SDK1: variants seen among roughly 807,000 people sequenced by gnomAD.
The protein encoded by SDK1 is sidekick cell adhesion molecule 1.
A neutral mutation model predicts 245.5 loss-of-function variants in SDK1; 157 were observed. The ratio of observed to expected loss-of-function variants is 0.64; its 90% CI spans 0.56 to 0.73. SDK1 has a LOEUF of 0.73. SDK1 is among the 30% of genes least tolerant of loss of function. SDK1 has a pLI of 0.00. For missense variants in SDK1, 3,583 were observed against 3,002.3 expected, an observed-to-expected ratio of 1.19 and a Z score of -4.52; for synonymous variants, 1,647 against 1,278.5, an observed-to-expected ratio of 1.29 and a Z score of -6.15.
chr7:4,113,148 G>A (rs1200835334), intron 23 of SDK1, 141 bp from the exon 24 acceptor site: 2 of 890,318 alleles, frequency 2.2e-6, no homozygotes, highest in Admixed American at 4.8e-5. Flanking sequence ...AAAAGAGGGT[G>A]TCCTTGAGCA....
chr7:3,475,771 G>T (rs1411972822), intron 1 of SDK1, among the ~76,000 whole-genome samples: 1 of 152,074 alleles, frequency 6.6e-6, no homozygotes. Flanking sequence ...ATTTGTACAA[G>T]ACAGTCTTCC....
intron 22 of SDK1, among the ~76,000 whole-genome samples, chr7:4,084,652 C>A (rs1025958703): frequency 3.7e-4 from 55 of 149,060 alleles, no homozygotes; most frequent in Admixed American, 3.7e-3. Context: ...AGGTTACTGA[C>A]CTTAAATGTA....
chr7:3,934,954 G>T (rs553469427), intron 5 of SDK1, among the ~76,000 whole-genome samples: 1 of 152,282 alleles, frequency 6.6e-6, no homozygotes, highest in Admixed American at 6.5e-5. Context: ...AAGCCCCTTC[G>T]GTGTTGCTTA....
chr7:3,732,201 A>G (rs1779200709), intron 4 of SDK1, among the ~76,000 whole-genome samples: 1 of 152,232 alleles, frequency 6.6e-6, no homozygotes, highest in Non-Finnish European at 1.5e-5. Context: ...GGTGTAGGGA[A>G]TTGGTAAACT....
At chr7:4,193,303 A>C (rs1393719307) in intron 35 of SDK1, among the ~76,000 whole-genome samples, 1 of 134,488 alleles carries the variant, frequency 7.4e-6, no homozygotes, top group Non-Finnish European at 1.5e-5. Context: ...TACATATAAA[A>C]ATATTAATAT....
intron 5 of SDK1, among the ~76,000 whole-genome samples, chr7:3,822,557 G>T (rs527480046): frequency 2.2e-4 from 34 of 152,150 alleles, no homozygotes; most frequent in African/African-American, 7.9e-4. Context: ...ATTACTTGAG[G>T]TCAAGAGTTC....
chr7:3,624,771 C>A (rs575358068), intron 2 of SDK1, among the ~76,000 whole-genome samples: 1 of 152,106 alleles, frequency 6.6e-6, no homozygotes, highest in East Asian at 1.9e-4. Flanking sequence ...CAAGGCCAGG[C>A]ATGGTGGCTC....
rs187207536 is a variant in SDK1, at chr7:4,267,870, G to A, written c.*2486G>A. On this transcript the variant is annotated 3_prime_UTR_variant, in exon 45 of 45. Transcript: ENST00000404826. Reference sequence around the variant, plus strand: ...GTGCTTAGGACAGCGCCCATGCCTCGGAGGGACTCTGTCCCATGAGAACCA... The same window carrying A: ...GTGCTTAGGACAGCGCCCATGCCTCAGAGGGACTCTGTCCCATGAGAACCA... 128 of 985,524 alleles carry A rather than the reference G, an allele frequency of 1.3e-4. 1 individual carries two copies. The Middle Eastern group carries it at 5.2e-3, about 40-fold the overall frequency. 61.0% of individuals were successfully genotyped at this position (985,524 alleles called of 1,614,324 possible).
intron 5 of SDK1, among the ~76,000 whole-genome samples, chr7:3,829,935 T>C (rs914492282): frequency 6.6e-6 from 1 of 152,178 alleles, no homozygotes; most frequent in Non-Finnish European, 1.5e-5. Flanking sequence ...CAGTGGGAGA[T>C]GCACTGGAGT....
At chr7:3,629,125 T>C (rs2128647436) in intron 2 of SDK1, among the ~76,000 whole-genome samples, 1 of 148,648 alleles carries the variant, frequency 6.7e-6, no homozygotes, top group East Asian at 2.0e-4. Flanking sequence ...ACCCCGTCTC[T>C]ACTAAAAATG....
At chr7:3,354,793 A>T (rs1459217189) in intron 1 of SDK1, among the ~76,000 whole-genome samples, 1 of 152,244 alleles carries the variant, frequency 6.6e-6, no homozygotes, top group Non-Finnish European at 1.5e-5. Flanking sequence ...TATTGACTAG[A>T]TTATGCTTGA....
At chr7:3,751,065 G>A (rs370547860) in intron 4 of SDK1, among the ~76,000 whole-genome samples, 1 of 152,164 alleles carries the variant, frequency 6.6e-6, no homozygotes, top group Non-Finnish European at 1.5e-5. Context: ...CCACCCTGCA[G>A]CCACTGTCAC....
At chr7:3,583,678 TAGTA>T (rs1780589702) in intron 1 of SDK1, among the ~76,000 whole-genome samples, 1 of 151,282 alleles carries the variant, frequency 6.6e-6, no homozygotes, top group Non-Finnish European at 1.5e-5. Flanking sequence ...ATAAAACAAG[TAGTA>T]AGAGGCAGGA....
At position 3,551,033 on chromosome 7, in the gene SDK1, G is replaced by A. The variant is rs189831939; in HGVS notation, c.299-68047G>A. 1.8e-4 allele frequency among the ~76,000 whole-genome samples: 27 copies of A among 152,240 alleles called. No homozygotes were observed. The East Asian group carries it at 4.4e-3, about 25-fold the overall frequency. On this transcript the variant is annotated intron_variant, in intron 1 of 44. Coordinates refer to ENST00000404826, the MANE Select transcript of SDK1 (RefSeq NM_152744.4). ...TTTTAATATATTTTTTAGAAGGTTA[G>A]GAGAAAGATTAACCTATTTAAGGAC... is the stretch of plus-strand genomic sequence containing the variant.
At chr7:4,213,365 T>C (rs1246166411) in intron 38 of SDK1, among the ~76,000 whole-genome samples, 1 of 148,652 alleles carries the variant, frequency 6.7e-6, no homozygotes, top group Non-Finnish European at 1.5e-5. Context: ...TGAGCCGAGA[T>C]CGCGCCACTG....
At chr7:4,217,495 ACACCACC>A (rs1562446230) in intron 38 of SDK1, among the ~76,000 whole-genome samples, 2 of 103,596 alleles carry the variant, frequency 1.9e-5, no homozygotes, top group East Asian at 3.8e-4. Context: ...CCGGAGCACC[ACACCACC>A]CGGAGCACCA....
chr7:3,716,067 T>C (rs1262730515), intron 4 of SDK1, among the ~76,000 whole-genome samples: 1 of 142,782 alleles, frequency 7.0e-6, no homozygotes, highest in Non-Finnish European at 1.5e-5. Context: ...AATATGAGGA[T>C]AGATCAATAG....
At chr7:3,544,630 C>T (rs1044114471) in intron 1 of SDK1, among the ~76,000 whole-genome samples, 3 of 152,222 alleles carry the variant, frequency 2.0e-5, no homozygotes, top group Non-Finnish European at 4.4e-5. Flanking sequence ...CTCATTTAGT[C>T]TTCATAATCC....
chr7:3,843,654 G>A (rs751957087), intron 5 of SDK1, among the ~76,000 whole-genome samples: 5 of 152,084 alleles, frequency 3.3e-5, no homozygotes, highest in South Asian at 2.1e-4. Flanking sequence ...ACACAAAAGG[G>A]CCTTATTATG....
Sources: allele counts gnomAD v4.1 joint callset (sites outside exome capture counted in the v4.1 genomes callset), GRCh38; gene constraint gnomAD v4.1.1; transcripts MANE v1.5; gene names NCBI Gene and HGNC (gene_info 2026-07-23, HGNC 2026-07-21).